Variants in SPATS2L observed in about 807,000 individuals in gnomAD.
SPATS2L encodes the protein SPATS2-like protein.
A neutral mutation model predicts 59.6 loss-of-function variants in SPATS2L; 30 were observed. That is an observed-to-expected ratio of 0.50 (90% CI 0.38 to 0.68). The LOEUF (loss-of-function observed/expected upper bound fraction) is 0.68. SPATS2L is among the 30% of genes least tolerant of loss of function. The pLI is 0.00. For missense variants in SPATS2L, 615 were observed against 700.0 expected (o/e 0.88, Z 1.37); for synonymous variants, 252 against 263.5 (o/e 0.96, Z 0.42).
chr2:200,467,250 A>G, intron 9 of SPATS2L, 40 bp from the exon 10 acceptor site: 3 of 1,326,746 alleles, frequency 2.3e-6, no homozygotes, highest in Non-Finnish European at 3.3e-6. Context: ...AATATGTTTC[A>G]ATCTCTGGCC....
intron 6 of SPATS2L, among the ~76,000 whole-genome samples, chr2:200,430,890 G>C (rs2083885406): frequency 6.6e-6 from 1 of 151,776 alleles, no homozygotes; most frequent in African/African-American, 2.4e-5. Flanking sequence ...GCCAATTTTT[G>C]TATTTTTAGT....
At chr2:200,436,217 A>G (rs2084280387) in intron 6 of SPATS2L, among the ~76,000 whole-genome samples, 1 of 152,192 alleles carries the variant, frequency 6.6e-6, no homozygotes, top group Non-Finnish European at 1.5e-5. Flanking sequence ...GTCACTGGAT[A>G]CAGTGACTTT....
At chr2:200,370,689 A>C (rs2081401412) in intron 2 of SPATS2L, among the ~76,000 whole-genome samples, 1 of 152,218 alleles carries the variant, frequency 6.6e-6, no homozygotes. Flanking sequence ...TGATATTGAT[A>C]ACCTTTTATC....
At chr2:200,357,253 G>A (rs908361591) in intron 2 of SPATS2L, among the ~76,000 whole-genome samples, 8 of 152,038 alleles carry the variant, frequency 5.3e-5, no homozygotes, top group East Asian at 1.9e-4. Flanking sequence ...CTGTAGGATC[G>A]GTTACTACAT....
chr2:200,454,239 C>T (rs1317098770), intron 8 of SPATS2L, among the ~76,000 whole-genome samples: 1 of 152,138 alleles, frequency 6.6e-6, no homozygotes, highest in Non-Finnish European at 1.5e-5. Context: ...CTTTGAAATT[C>T]TGCTTTCATT....
chr2:200,417,079 A>G (rs369548625), intron 5 of SPATS2L, among the ~76,000 whole-genome samples: 1 of 152,208 alleles, frequency 6.6e-6, no homozygotes, highest in Non-Finnish European at 1.5e-5. Context: ...GCGTCTGTGC[A>G]TACACACTAG....
chr2:200,393,029 T>C (rs1336479860), intron 3 of SPATS2L: 5 of 341,554 alleles, frequency 1.5e-5, no homozygotes, highest in Non-Finnish European at 2.9e-5. Flanking sequence ...GTCCCTTTTA[T>C]GTCATGGCTT....
chr2:200,326,901 A>G (rs1366963882), intron 1 of SPATS2L, among the ~76,000 whole-genome samples: 1 of 99,074 alleles, frequency 1.0e-5, no homozygotes, highest in African/African-American at 3.7e-5. Context: ...TGCCCGGCTA[A>G]TTTTTTTTTT....
intron 6 of SPATS2L, among the ~76,000 whole-genome samples, chr2:200,424,384 G>A (rs1161089674): frequency 6.6e-6 from 1 of 152,098 alleles, no homozygotes. Context: ...AGCTGCTTGG[G>A]AGGTTGAGGT....
chr2:200,375,061 G>A (rs370806215), intron 2 of SPATS2L, among the ~76,000 whole-genome samples: 9 of 152,308 alleles, frequency 5.9e-5, no homozygotes, highest in African/African-American at 1.7e-4. Context: ...CTAGAGCTCC[G>A]TGCAAAGTAG....
intron 2 of SPATS2L, among the ~76,000 whole-genome samples, chr2:200,371,422 G>A (rs780378294): frequency 2.8e-4 from 42 of 152,148 alleles, no homozygotes; most frequent in African/African-American, 9.4e-4. Context: ...AGTTGCCTCC[G>A]TCTTAGCTAA....
At chr2:200,378,164 G>T in intron 2 of SPATS2L, 1 of 955,380 alleles carries the variant, frequency 1.0e-6, no homozygotes. Flanking sequence ...CCAACCCCCT[G>T]CTGATTACTC....
intron 6 of SPATS2L, among the ~76,000 whole-genome samples, chr2:200,425,258 G>A (rs1294621576): frequency 6.6e-6 from 1 of 151,580 alleles, no homozygotes; most frequent in East Asian, 1.9e-4. Flanking sequence ...TTATGTTGCT[G>A]TTGGTCCTGG....
At chr2:200,382,321 C>T (rs571970391) in intron 2 of SPATS2L, among the ~76,000 whole-genome samples, 1 of 152,264 alleles carries the variant, frequency 6.6e-6, no homozygotes, top group African/African-American at 2.4e-5. Context: ...GTGATCCACC[C>T]GCCTCGGCCT....
chr2:200,307,231 G>A (rs1458071088), intron 1 of SPATS2L, among the ~76,000 whole-genome samples: 1 of 151,738 alleles, frequency 6.6e-6, no homozygotes, highest in South Asian at 2.1e-4. Context: ...GCCGCGCTCC[G>A]ACGTGTACCC....
chr2:200,477,699 C>T lies in SPATS2L; in HGVS notation c.1345C>T (p.Pro449Ser). The T allele has an allele frequency of 6.4e-7, 1 of 1,565,396 alleles. No individual in the cohort carries two copies. The highest frequency in any genetic ancestry group is 2.4e-5 in the East Asian group (1 of 42,076). The change falls in exon 13 of 13, where the codon CCT (proline) becomes TCT (serine). Residue 449 changes from proline to serine, a missense_variant. Pro to Ser is a moderately conservative substitution (Grantham distance 74). This residue lies in a region of SPATS2L where 284 missense variants were observed against 280.1 expected (regional missense o/e 1.01). Coordinates refer to ENST00000409140, the MANE Select transcript of SPATS2L (RefSeq NM_001100423.2). ...GTATCATAACAACAGGCTAAATGGG[C>T]CTGCCAAGTCGCAGGGCAGTGGGAA... ...PQYHNNRLNG[P>S]AKSQGSGNEA...
intron 1 of SPATS2L, among the ~76,000 whole-genome samples, chr2:200,317,689 T>C (rs1227007717): frequency 6.6e-6 from 1 of 152,172 alleles, no homozygotes; most frequent in African/African-American, 2.4e-5. Context: ...GCATGAAGCC[T>C]TGGAAAAAAG....
At chr2:200,437,448 G>T (rs1185979172) in intron 6 of SPATS2L, among the ~76,000 whole-genome samples, 2 of 152,164 alleles carry the variant, frequency 1.3e-5, no homozygotes, top group Non-Finnish European at 2.9e-5. Context: ...AGCTGAACTG[G>T]AATCTCTAGA....
intron 9 of SPATS2L, among the ~76,000 whole-genome samples, chr2:200,464,357 A>G (rs914019048): frequency 6.6e-6 from 1 of 152,190 alleles, no homozygotes; most frequent in Non-Finnish European, 1.5e-5. Context: ...GATCCAAAGT[A>G]TTTGTTTCCA....
Sources: allele counts gnomAD v4.1 joint callset (sites outside exome capture counted in the v4.1 genomes callset), GRCh38; gene constraint gnomAD v4.1.1; regional missense constraint gnomAD v4.1.1; transcripts MANE v1.5; gene names NCBI Gene and HGNC (gene_info 2026-07-23, HGNC 2026-07-21).